The following HPS3 variants were observed in gnomAD, a reference collection of about 807,000 sequenced individuals.
The protein encoded by HPS3 is BLOC-2 complex member HPS3.
A neutral mutation model predicts 110.9 loss-of-function variants in HPS3; 79 were observed. The ratio of observed to expected loss-of-function variants is 0.71; its 90% confidence interval spans 0.59 to 0.86. HPS3 has a LOEUF of 0.86. HPS3 is among the 40% of genes least tolerant of loss of function. The pLI, the probability that HPS3 is intolerant of heterozygous loss-of-function variation, is 0.00. For missense variants in HPS3, 1,197 were observed against 1,206.2 expected (o/e 0.99, Z 0.11); for synonymous variants, 428 against 451.0 (o/e 0.95, Z 0.65).
At chr3:149,159,670 A>G (rs1252432264) in intron 10 of HPS3, among the ~76,000 whole-genome samples, 2 of 152,154 alleles carry the variant, frequency 1.3e-5, no homozygotes, top group Non-Finnish European at 2.9e-5. Flanking sequence ...TTGAAATGAA[A>G]TTTTCTCATA....
intron 9 of HPS3, among the ~76,000 whole-genome samples, chr3:149,157,848 TA>T (rs1331292004): frequency 2.0e-5 from 3 of 152,198 alleles, no homozygotes; most frequent in African/African-American, 7.2e-5. Flanking sequence ...TCCCTGACAT[TA>T]AAAACATATA....
rs1721633213 is a variant in HPS3 at position 149,129,788 on chromosome 3, C to T, written c.65C>T (p.Pro22Leu). Residue 22 changes from proline (P) to leucine (L), a missense_variant, in exon 1 of 17, where the codon CCG (proline) becomes CTG (leucine). Coordinates refer to ENST00000296051, the MANE Select transcript of HPS3 (RefSeq NM_032383.5). ...SQQVVPCKLE[P>L]DRFCGGGRDA... The stretch of plus-strand genomic sequence containing the variant: ...CAGGTGGTGCCCTGCAAGCTGGAGC[C>T]GGACCGGTTCTGTGGCGGGGGGCGT... 1 of 1,609,408 alleles carries T rather than the reference C, an allele frequency of 6.2e-7. No homozygotes were observed. The highest frequency in any genetic ancestry group is 8.5e-7 in the Non-Finnish European group (1 of 1,179,234).
At position 149,155,038 on chromosome 3, in the gene HPS3, T is replaced by C. The variant is rs997539805; in HGVS notation, c.1401-69T>C. On this transcript the variant is annotated intron_variant, in intron 7 of 16. Transcript: ENST00000296051. ...TTTTATAGTTATTTTATATCCAATA[T>C]TTACCATTTACAACTACCATTTATT... 9.7e-6 allele frequency: 8 copies of C among 828,958 alleles called. No individual in the cohort carries two copies. In the Admixed American group the frequency reaches 1.2e-4, roughly 12 times the overall value. 51.4% of individuals were successfully genotyped at this position (828,958 alleles called of 1,614,324 possible).
chr3:149,145,491 C>T lies in HPS3; in HGVS notation c.1108C>T (p.Pro370Ser). Reference sequence around the variant, plus strand: ...TGAATTGATGTCAGTCTACCAGTATCCTGAAAAGTCTCAGCAGGCAGTACT... The same window carrying T: ...TGAATTGATGTCAGTCTACCAGTATTCTGAAAAGTCTCAGCAGGCAGTACT... Reference protein sequence around the residue: ...SVELMSVYQYPEKSQQAVLTP... With the variant: ...SVELMSVYQYSEKSQQAVLTP... Residue 370 changes from proline (P) to serine (S), a missense_variant, in exon 5 of 17, where the codon CCT (proline) becomes TCT (serine). Coordinates refer to ENST00000296051, the MANE Select transcript of HPS3 (RefSeq NM_032383.5). 6.2e-7 allele frequency: 1 copy of T among 1,614,090 alleles called. No individual in the cohort carries two copies. Among genetic ancestry groups the T allele is most frequent in the African/African-American group, 1.3e-5 (1 of 75,038 alleles).
chr3:149,172,203 G>T lies in HPS3; in HGVS notation c.2996G>T (p.Arg999Leu), dbSNP rs527240120. 13 of 1,613,182 alleles carry T rather than the reference G, an allele frequency of 8.1e-6. No individual in the cohort carries two copies. In the East Asian group the frequency reaches 2.5e-4, roughly 30 times the overall value. ...FFLPYLLYCSRKKPLT is the reference protein window; with the variant it reads ...FFLPYLLYCSLKKPLT The stretch of plus-strand genomic sequence containing the variant: ...TTGCCATATCTTCTCTATTGCAGTC[G>T]AAAGAAACCATTGACTTAAAGGTAT... The change falls in exon 17 of 17, where the codon CGA becomes CTA. Residue 999 changes from arginine (R) to leucine (L), a missense_variant. Coordinates refer to ENST00000296051, the MANE Select transcript of HPS3 (RefSeq NM_032383.5).
intron 4 of HPS3, among the ~76,000 whole-genome samples, chr3:149,142,112 G>A (rs958681744): frequency 3.9e-5 from 6 of 152,146 alleles, no homozygotes; most frequent in Admixed American, 2.6e-4. Flanking sequence ...GCCTCCCAAA[G>A]TGCTGGGATT....
intron 10 of HPS3, 108 bp downstream of exon 10, chr3:149,158,954 G>T: frequency 1.3e-6 from 1 of 771,940 alleles, no homozygotes; most frequent in Non-Finnish European, 2.1e-6. Context: ...TTTCTTCTTT[G>T]ATACTCTTTT....
chr3:149,159,074 G>A (rs985522874), intron 10 of HPS3, among the ~76,000 whole-genome samples: 4 of 152,140 alleles, frequency 2.6e-5, no homozygotes, highest in African/African-American at 9.7e-5. Context: ...ACAGGGACAT[G>A]TGGTCTGTTG....
intron 16 of HPS3, among the ~76,000 whole-genome samples, chr3:149,169,809 C>T (rs776304877): frequency 6.6e-6 from 1 of 152,138 alleles, no homozygotes; most frequent in African/African-American, 2.4e-5. Flanking sequence ...AATTCTGGTA[C>T]TGTGGTAAAT....
At chr3:149,147,934 G>A (rs544241835) in intron 5 of HPS3, among the ~76,000 whole-genome samples, 9 of 152,138 alleles carry the variant, frequency 5.9e-5, no homozygotes, top group South Asian at 2.1e-4. Context: ...GCAATGGCGC[G>A]GTCTCAGCTC....
rs11719054 is a variant in HPS3, at chr3:149,145,804, A to C, written c.1163+258A>C. Among the ~76,000 whole-genome samples, 41,519 of 151,856 alleles carry C rather than the reference A, an allele frequency of 0.27. 6,270 individuals are homozygous for C. The highest frequency in any genetic ancestry group is 0.42 in the African/African-American group (17,516 of 41,348). ...GGAAGTATAAGGTTCTTCATAAAGG[A>C]AGACTTTCATAGGGAGTTTTAATGA... On this transcript the variant is annotated intron_variant, in intron 5 of 16. Transcript: ENST00000296051.
At chr3:149,158,128 A>G (rs1298311425) in intron 9 of HPS3, among the ~76,000 whole-genome samples, 1 of 152,230 alleles carries the variant, frequency 6.6e-6, no homozygotes, top group Non-Finnish European at 1.5e-5. Flanking sequence ...TTATGATATC[A>G]GAAAGGGACA....
chr3:149,151,603 AAAAAAAAAAAAAAG>A (rs1559915951), intron 6 of HPS3, among the ~76,000 whole-genome samples: 2 of 146,992 alleles, frequency 1.4e-5, no homozygotes, highest in South Asian at 4.3e-4. Context: ...AAAAAAAAAA[AAAAAAAAAAAAAAG>A]CCTCTTGACC....
Position 149,140,460 on chromosome 3 carries a change from C to T in HPS3, c.674C>T (p.Pro225Leu), listed in dbSNP as rs754377805. 1 of 1,613,750 alleles carries T rather than the reference C, an allele frequency of 6.2e-7. No individual in the cohort carries two copies. Among genetic ancestry groups the T allele is most frequent in the Non-Finnish European group, 8.5e-7 (1 of 1,179,926 alleles). Residue 225 changes from proline (P) to leucine (L), a missense_variant, in exon 2 of 17, where the codon CCA becomes CTA. Pro to Leu is a moderately conservative substitution (Grantham distance 98, BLOSUM62 -3). Transcript: ENST00000296051. ...PKNGERVHHHPHKTNNRIRRT... is the reference protein window; with the variant it reads ...PKNGERVHHHLHKTNNRIRRT... Reference sequence around the variant, plus strand: ...AATGGAGAGAGAGTTCACCACCATCCACATAAGACCAACAATCGAATAAGA... The same window carrying T: ...AATGGAGAGAGAGTTCACCACCATCTACATAAGACCAACAATCGAATAAGA...
chr3:149,152,004 G>A (rs1004582521), intron 6 of HPS3, among the ~76,000 whole-genome samples: 1 of 152,092 alleles, frequency 6.6e-6, no homozygotes, highest in Admixed American at 6.5e-5. Flanking sequence ...GGCAAGCATG[G>A]TCTCTGAGTT....
chr3:149,131,985 A>C (rs1721806507), intron 1 of HPS3, among the ~76,000 whole-genome samples: 2 of 152,214 alleles, frequency 1.3e-5, no homozygotes, highest in African/African-American at 4.8e-5. Flanking sequence ...CCCTCTGTTC[A>C]ACTCTGTGAA....
At chr3:149,153,930 G>T in intron 7 of HPS3, 1 of 427,980 alleles carries the variant, frequency 2.3e-6, no homozygotes, top group Non-Finnish European at 4.2e-6. Flanking sequence ...TGTAATTAAT[G>T]AGAAAGACTG....
In HPS3 at chr3:149,145,321, A is replaced by C. The variant is rs776988796; in HGVS notation, c.971-33A>C. On this transcript the variant is annotated intron_variant, in intron 4 of 16. Transcript: ENST00000296051. ...ATTTCCCCCTTTATTTACTGGTTTCATGGTGTTTTATTTCTTTCATTTTTG... is the reference window on the plus strand; with the variant it reads ...ATTTCCCCCTTTATTTACTGGTTTCCTGGTGTTTTATTTCTTTCATTTTTG... 4.0e-6 allele frequency: 6 copies of C among 1,485,908 alleles called. No homozygotes were observed. The Admixed American group carries it at 6.7e-5, about 17-fold the overall frequency. 92.0% of individuals were successfully genotyped at this position (1,485,908 alleles called of 1,614,324 possible). A position where few individuals can be genotyped will look rare whatever the true frequency, so the allele number is the denominator to read the frequency against.
intron 14 of HPS3, among the ~76,000 whole-genome samples, chr3:149,164,575 C>T (rs894445462): frequency 8.5e-5 from 13 of 152,174 alleles, no homozygotes; most frequent in East Asian, 3.9e-4. Flanking sequence ...GCCCAAAGAA[C>T]GAATATAATT....
Sources: gnomAD v4.1 joint callset for allele counts (sites outside exome capture counted in the v4.1 genomes callset) on GRCh38, gnomAD v4.1.1 for gene constraint, MANE v1.5 for transcripts, NCBI Gene and HGNC (gene_info 2026-07-23, HGNC 2026-07-21) for gene names.